ADGRG4: variants seen among roughly 807,000 people sequenced by gnomAD.
ADGRG4 encodes adhesion G protein-coupled receptor G4.
ADGRG4 carries 122 observed loss-of-function variants against 126.2 expected under a neutral mutation model. The ratio of observed to expected loss-of-function variants is 0.97; its 90% CI spans 0.83 to 1.12. The LOEUF (loss-of-function observed/expected upper bound fraction) is 1.12, where lower values mean the gene tolerates loss of function less well. ADGRG4 is among the 50% of genes most tolerant of loss of function. ADGRG4 has a pLI of 0.00. For synonymous variants in ADGRG4, 943 were observed against 838.7 expected, an observed-to-expected ratio of 1.12 and a Z score of -2.15; for missense variants, 2,481 against 2,251.8, an observed-to-expected ratio of 1.10 and a Z score of -2.06.
chrX:136,413,764 G>C (rs1207977087), intron 24 of ADGRG4, among the ~76,000 whole-genome samples: 1 of 106,787 alleles, frequency 9.4e-6, no homozygotes, highest in Non-Finnish European at 1.9e-5. Flanking sequence ...TTTTGAGACA[G>C]AGTCTCGCTC....
At chrX:136,342,934 G>GAGAGAGA (rs752696665) in intron 5 of ADGRG4, among the ~76,000 whole-genome samples, 1 of 103,203 alleles carries the variant, frequency 9.7e-6, no homozygotes, top group Non-Finnish European at 2.0e-5. Flanking sequence ...GAGAGAGAGA[G>GAGAGAGA]GAAGGGGATC....
At chrX:136,391,573 A>G (rs780072903) in intron 16 of ADGRG4, among the ~76,000 whole-genome samples, 45 of 112,678 alleles carry the variant, frequency 4.0e-4, no homozygotes, top group African/African-American at 1.2e-3. Context: ...TATGGCTTCA[A>G]TGAGGACTGC....
Position 136,403,248 on chromosome X carries a change from C to A in ADGRG4, c.8580C>A (p.Ile2860=), listed in dbSNP as rs1358806512. The A allele has an allele frequency of 3.3e-6, 4 of 1,209,696 alleles. No individual in the cohort carries two copies. Among genetic ancestry groups the A allele is most frequent in the Non-Finnish European group, 4.5e-6 (4 of 893,592 alleles). The change falls in exon 22 of 26, where the codon ATC becomes ATA. Residue 2860 remains isoleucine, a synonymous_variant. Transcript: ENST00000394143. The part of the protein sequence containing the change: ...ILKFCLVGWG[I]PAIMVAITVS... The stretch of plus-strand genomic sequence containing the variant: ...TGACTTGCTTTCCCACTGCAGGAAT[C>A]CCGGCTATCATGGTGGCAATCACAG...
intron 5 of ADGRG4, among the ~76,000 whole-genome samples, chrX:136,343,478 T>G (rs1474354938): frequency 9.0e-6 from 1 of 111,323 alleles, no homozygotes; most frequent in African/African-American, 3.3e-5. Flanking sequence ...ATCCTAGGTG[T>G]AGAGAAACTA....
chrX:136,377,167 C>CTTTTTTTTTTTTTTTTCTTT (rs2075231721), intron 15 of ADGRG4, among the ~76,000 whole-genome samples: 1 of 48,654 alleles, frequency 2.1e-5, no homozygotes, highest in Non-Finnish European at 3.4e-5. Flanking sequence ...GTTTTCTTTC[C>CTTTTTTTTTTTTTTTTCTTT]TTTTTTTTTT....
chrX:136,320,287 AT>A (rs2074832031), intron 4 of ADGRG4, among the ~76,000 whole-genome samples: 1 of 112,404 alleles, frequency 8.9e-6, no homozygotes, highest in Admixed American at 9.4e-5. Flanking sequence ...TCTAAAATGA[AT>A]TGATAGAAAT....
At position 136,392,206 on chromosome X, in the gene ADGRG4, G is replaced by A. The variant is rs191453703; in HGVS notation, c.7912-26G>A. 713 of 1,135,630 alleles carry A rather than the reference G, an allele frequency of 6.3e-4. 2 individuals are homozygous for A. In the African/African-American group the frequency reaches 0.011, roughly 18 times the overall value. 93.6% of individuals were successfully genotyped at this position (1,135,630 alleles called of 1,213,427 possible). ...GTAAGTAATTAGAAATTTAGGTCCT[G>A]AACTCCTCTTTTGTTTCATCTGCAG... On this transcript the variant is annotated intron_variant, in intron 16 of 25. Coordinates refer to ENST00000394143, the MANE Select transcript of ADGRG4 (RefSeq NM_153834.4).
At chrX:136,365,038 A>G (rs139792182) in intron 13 of ADGRG4, among the ~76,000 whole-genome samples, 10 of 112,007 alleles carry the variant, frequency 8.9e-5, no homozygotes, top group African/African-American at 3.2e-4. Flanking sequence ...CTCCTTCATC[A>G]ACACAGCATG....
At chrX:136,305,811 C>G (rs1366371638) in intron 3 of ADGRG4, among the ~76,000 whole-genome samples, 1 of 112,144 alleles carries the variant, frequency 8.9e-6, no homozygotes, top group East Asian at 2.8e-4. Context: ...AAGCAATAAT[C>G]AACTAGGAAC....
chrX:136,328,834 T>A (rs1176903716), intron 5 of ADGRG4, among the ~76,000 whole-genome samples: 1 of 111,562 alleles, frequency 9.0e-6, no homozygotes, highest in Non-Finnish European at 1.9e-5. Flanking sequence ...GGTCTTGCCC[T>A]CATACATCAA....
chrX:136,340,046 A>G (rs2074970559), intron 5 of ADGRG4, among the ~76,000 whole-genome samples: 1 of 110,860 alleles, frequency 9.0e-6, no homozygotes, highest in Non-Finnish European at 1.9e-5. Flanking sequence ...TAGGGAAAAG[A>G]GAAAGATTGA....
intron 3 of ADGRG4, 74 bp from the exon 4 acceptor site, chrX:136,308,695 T>G: frequency 6.6e-6 from 4 of 604,104 alleles, no homozygotes. Context: ...AAAGGAGAAG[T>G]GTGGTCACAT....
intron 5 of ADGRG4, among the ~76,000 whole-genome samples, chrX:136,338,079 C>G (rs1042961747): frequency 6.4e-5 from 7 of 108,903 alleles, no homozygotes; most frequent in Admixed American, 5.9e-4. Context: ...CTTCTGTCAT[C>G]TCTACTCTAC....
At chrX:136,370,727 T>C (rs147188659) in intron 13 of ADGRG4, among the ~76,000 whole-genome samples, 231 of 112,050 alleles carry the variant, frequency 2.1e-3, no homozygotes, top group Non-Finnish European at 3.5e-3. Flanking sequence ...GGGTTATTCA[T>C]GAGGAACATG....
At chrX:136,403,377 T>C in intron 22 of ADGRG4, 55 bp downstream of exon 22, 3 of 958,374 alleles carry the variant, frequency 3.1e-6, no homozygotes, top group Non-Finnish European at 4.5e-6. Context: ...CAGCAGGGTA[T>C]AGTAAAATGT....
At position 136,345,510 on chromosome X, in the gene ADGRG4, A is replaced by G; in HGVS notation, c.1804A>G (p.Thr602Ala). ...AGTGGCTGAAACTATGCTTTCCTCCACAATCACAGGACGAGTTTACACCCA... is the reference window on the plus strand; with the variant it reads ...AGTGGCTGAAACTATGCTTTCCTCCGCAATCACAGGACGAGTTTACACCCA... Reference protein sequence around the residue: ...STVAETMLSSTITGRVYTQNT... With the variant: ...STVAETMLSSAITGRVYTQNT... Residue 602 changes from threonine (T) to alanine (A), a missense_variant, in exon 6 of 26, where the codon ACA (threonine) becomes GCA (alanine). Thr to Ala is a moderately conservative substitution (Grantham distance 58, BLOSUM62 0). Transcript: ENST00000394143. 3 of 1,210,952 alleles carry G rather than the reference A, an allele frequency of 2.5e-6. No individual in the cohort carries two copies. The highest frequency in any genetic ancestry group is 3.4e-6 in the Non-Finnish European group (3 of 895,030).
chrX:136,405,644 G>A, intron 22 of ADGRG4, 48 bp from the exon 23 acceptor site: 1 of 978,707 alleles, frequency 1.0e-6, no homozygotes, highest in Non-Finnish European at 1.4e-6. Flanking sequence ...CTGAGAAATA[G>A]GACTTTATGT....
chrX:136,322,325 G>GAA (rs757346818), intron 4 of ADGRG4, among the ~76,000 whole-genome samples: 56 of 112,106 alleles, frequency 5.0e-4, no homozygotes, highest in African/African-American at 1.7e-3. Flanking sequence ...AGGCATTGGA[G>GAA]AAACAAATTG....
Position 136,382,806 on chromosome X carries a change from C to T in ADGRG4, c.7777-4934C>T, listed in dbSNP as rs188614453. Reference sequence around the variant, plus strand: ...CCTATTGACTTAAAGGTAGGAGGAACCCAAAGTGTCCAGGTGGCAATCTTA... The same window carrying T: ...CCTATTGACTTAAAGGTAGGAGGAATCCAAAGTGTCCAGGTGGCAATCTTA... On this transcript the variant is annotated intron_variant, in intron 15 of 25. Coordinates refer to ENST00000394143, the MANE Select transcript of ADGRG4 (RefSeq NM_153834.4). Among the ~76,000 whole-genome samples, 239 of 110,788 alleles carry T rather than the reference C, an allele frequency of 2.2e-3. 1 individual carries two copies. The highest frequency in any genetic ancestry group is 7.4e-3 in the African/African-American group (224 of 30,423).
Sources: allele counts gnomAD v4.1 joint callset (sites outside exome capture counted in the v4.1 genomes callset), GRCh38; gene constraint gnomAD v4.1.1; transcripts MANE v1.5; gene names NCBI Gene and HGNC (gene_info 2026-07-23, HGNC 2026-07-21).